PRKCE: variants seen among roughly 807,000 people sequenced by gnomAD.
PRKCE encodes protein kinase C epsilon.
A neutral mutation model predicts 85.4 loss-of-function variants in PRKCE; 16 were observed. The observed-to-expected ratio is 0.19, with a 90% CI of 0.13 to 0.28. PRKCE has a LOEUF of 0.28. Among genes scored for constraint, PRKCE ranks in the 10% least tolerant of loss-of-function variants. The pLI is 1.00. For missense variants in PRKCE, 573 were observed against 975.2 expected, an observed-to-expected ratio of 0.59 and a Z score of 5.49; for synonymous variants, 388 against 371.5, an observed-to-expected ratio of 1.04 and a Z score of -0.51.
At chr2:46,089,299 GC>G (rs1377822824) in intron 11 of PRKCE, among the ~76,000 whole-genome samples, 1 of 151,908 alleles carries the variant, frequency 6.6e-6, no homozygotes, top group Non-Finnish European at 1.5e-5. Context: ...TCTATATCTA[GC>G]CCCCCATTAT....
rs543561869 is a variant in PRKCE at position 45,885,167 on chromosome 2, C to A, written c.412+42104C>A. 3.0e-4 allele frequency among the ~76,000 whole-genome samples: 46 copies of A among 151,904 alleles called. No individual in the cohort carries two copies. The East Asian group carries it at 5.0e-3, about 17-fold the overall frequency. ...GTTGAAAGCAGCTAGTGGCTCAGAG[C>A]TTTCAGAATTATCTTTTGCACTTGG... On this transcript the variant is annotated intron_variant, in intron 2 of 14. Coordinates refer to ENST00000306156, the MANE Select transcript of PRKCE (RefSeq NM_005400.3).
chr2:45,737,818 A>G (rs1411525273), intron 1 of PRKCE, among the ~76,000 whole-genome samples: 1 of 152,132 alleles, frequency 6.6e-6, no homozygotes, highest in Non-Finnish European at 1.5e-5. Context: ...TGACTTGCGT[A>G]CATTGCCAAG....
intron 1 of PRKCE, among the ~76,000 whole-genome samples, chr2:45,839,927 C>T (rs928597399): frequency 2.6e-5 from 4 of 152,194 alleles, no homozygotes; most frequent in Non-Finnish European, 2.9e-5. Flanking sequence ...TTCACCAGCA[C>T]GGAGGCTGCA....
At chr2:45,853,206 G>A (rs1451669331) in intron 2 of PRKCE, among the ~76,000 whole-genome samples, 1 of 152,136 alleles carries the variant, frequency 6.6e-6, no homozygotes, top group Non-Finnish European at 1.5e-5. Context: ...AGGCATCAGT[G>A]TTGTTAGAGA....
chr2:45,944,111 A>G (rs891309160), intron 2 of PRKCE, among the ~76,000 whole-genome samples: 1 of 152,210 alleles, frequency 6.6e-6, no homozygotes, highest in Non-Finnish European at 1.5e-5. Context: ...GGGCCATTCT[A>G]TGCATATTCT....
intron 11 of PRKCE, among the ~76,000 whole-genome samples, chr2:46,141,692 TA>T (rs1282429504): frequency 6.7e-6 from 1 of 148,522 alleles, no homozygotes; most frequent in Non-Finnish European, 1.5e-5. Context: ...CCCCCTCTAT[TA>T]AAAAAAGACC....
intron 10 of PRKCE, among the ~76,000 whole-genome samples, chr2:46,078,540 GAAAA>G (rs10569183): frequency 7.1e-6 from 1 of 140,314 alleles, no homozygotes; most frequent in Non-Finnish European, 1.5e-5. Flanking sequence ...ACCCTGTCTT[GAAAA>G]AAAAAAAAAA....
intron 2 of PRKCE, among the ~76,000 whole-genome samples, chr2:45,883,058 A>G (rs1268422283): frequency 7.2e-6 from 1 of 139,508 alleles, no homozygotes; most frequent in East Asian, 1.9e-4. Context: ...TTAGTTGGGT[A>G]AAAAATGGGA....
In PRKCE at chr2:46,186,561, C is replaced by A. The variant is rs1221848111; in HGVS notation, c.*1680C>A. 6.6e-6 allele frequency: 1 copy of A among 152,050 alleles called. No individual in the cohort carries two copies. 9.4% of individuals were successfully genotyped at this position (152,050 alleles called of 1,614,324 possible). On this transcript the variant is annotated 3_prime_UTR_variant, in exon 15 of 15. Coordinates refer to ENST00000306156, the MANE Select transcript of PRKCE (RefSeq NM_005400.3). ...CAAGTTACCGAGAGATAGGTGTGTT[C>A]CTTTATGGGGGATGGGGGGGTGTGT...
chr2:46,116,732 A>C (rs1467776614), intron 11 of PRKCE, among the ~76,000 whole-genome samples: 1 of 124,504 alleles, frequency 8.0e-6, no homozygotes, highest in Non-Finnish European at 1.7e-5. Context: ...GTTCCTGAGA[A>C]GGATGCCTGT....
chr2:45,749,416 A>G (rs956027908), intron 1 of PRKCE, among the ~76,000 whole-genome samples: 2 of 152,204 alleles, frequency 1.3e-5, no homozygotes, highest in African/African-American at 4.8e-5. Flanking sequence ...AAAGAGCATC[A>G]TTGGCATGTG....
At chr2:45,803,139 C>T (rs1415843519) in intron 1 of PRKCE, among the ~76,000 whole-genome samples, 3 of 152,102 alleles carry the variant, frequency 2.0e-5, no homozygotes, top group South Asian at 4.2e-4. Context: ...TGTCTCAGAC[C>T]GTGGTGGATC....
chr2:45,680,540 C>T (rs1283374334), intron 1 of PRKCE, among the ~76,000 whole-genome samples: 1 of 152,164 alleles, frequency 6.6e-6, no homozygotes, highest in African/African-American at 2.4e-5. Flanking sequence ...ATGCTTGCGA[C>T]ATGGTGAACC....
chr2:46,176,300 G>A lies in PRKCE; in HGVS notation c.2068-8435G>A, dbSNP rs76562951. Among the ~76,000 whole-genome samples, 269 of 152,092 alleles carry A rather than the reference G, an allele frequency of 1.8e-3. 5 individuals are homozygous for A. In the East Asian group the frequency reaches 0.039, roughly 22 times the overall value. On this transcript the variant is annotated intron_variant, in intron 14 of 14. Transcript: ENST00000306156. ...TTCAACAGAATCCCTAGAGTGGGAC[G>A]AGCAGCTCCGTGCGTTGAAGCTCCC...
chr2:45,695,509 A>G (rs1678071924), intron 1 of PRKCE, among the ~76,000 whole-genome samples: 1 of 152,236 alleles, frequency 6.6e-6, no homozygotes. Flanking sequence ...ATGGTCGCTC[A>G]TGCCTATAAT....
intron 1 of PRKCE, among the ~76,000 whole-genome samples, chr2:45,760,539 G>A (rs1004578797): frequency 2.6e-5 from 4 of 152,118 alleles, no homozygotes; most frequent in South Asian, 4.2e-4. Context: ...CTTCATAAGC[G>A]TGGAGGATTG....
rs1004533577 is a variant in PRKCE, at chr2:46,041,869, A to G, written c.1437+31352A>G. On this transcript the variant is annotated intron_variant, in intron 10 of 14. Transcript: ENST00000306156. This position sits in a 1 kb window ranked among gnomAD's most constrained non-coding sequence, Gnocchi z 5.5. ...CCTCCATGTTAACATGTCGGCTTGA[A>G]TACTCTTATTTTCCACACTGGAAAC... 3.9e-5 allele frequency among the ~76,000 whole-genome samples: 6 copies of G among 152,230 alleles called. No homozygotes were observed. The highest frequency in any genetic ancestry group is 9.7e-5 in the African/African-American group (4 of 41,450).
intron 10 of PRKCE, among the ~76,000 whole-genome samples, chr2:46,050,974 G>A (rs529019487): frequency 6.6e-6 from 1 of 152,200 alleles, no homozygotes; most frequent in South Asian, 2.1e-4. Flanking sequence ...TCACCTCACT[G>A]TCATCACTTC....
At chr2:46,132,260 T>C (rs142777030) in intron 11 of PRKCE, among the ~76,000 whole-genome samples, 1 of 152,288 alleles carries the variant, frequency 6.6e-6, no homozygotes, top group Non-Finnish European at 1.5e-5. Context: ...CCTTCTTCTC[T>C]TGTCACACTG....
Sources: gnomAD v4.1 joint callset for allele counts (sites outside exome capture counted in the v4.1 genomes callset) on GRCh38, gnomAD v4.1.1 for gene constraint, Gnocchi (gnomAD v3.1) non-coding constraint, MANE v1.5 for transcripts, NCBI Gene and HGNC (gene_info 2026-07-23, HGNC 2026-07-21) for gene names.